KDM4B: variants seen among roughly 807,000 people sequenced by gnomAD.
KDM4B encodes the protein lysine-specific demethylase 4B.
A neutral mutation model predicts 125.2 loss-of-function variants in KDM4B; 32 were observed. That is an observed-to-expected ratio of 0.26 (90% CI 0.19 to 0.34). The LOEUF is 0.34. KDM4B is among the 10% of genes least tolerant of loss of function. The pLI, the probability that KDM4B is intolerant of heterozygous loss-of-function variation, is 1.00. For missense variants in KDM4B, 1,190 were observed against 1,577.7 expected, an observed-to-expected ratio of 0.75 and a Z score of 4.16; for synonymous variants, 721 against 677.9, an observed-to-expected ratio of 1.06 and a Z score of -0.99.
chr19:5,037,380 C>A (rs535564205), intron 3 of KDM4B, among the ~76,000 whole-genome samples: 8 of 152,308 alleles, frequency 5.3e-5, no homozygotes, highest in Middle Eastern at 6.8e-3. Flanking sequence ...TTCTGTTTCT[C>A]GCCTTTCCAC....
intron 9 of KDM4B, among the ~76,000 whole-genome samples, chr19:5,084,687 G>A (rs531324574): frequency 6.7e-6 from 1 of 149,282 alleles, no homozygotes; most frequent in African/African-American, 2.5e-5. Flanking sequence ...ATGGCTTCAC[G>A]CCTATAATCT....
intron 2 of KDM4B, among the ~76,000 whole-genome samples, chr19:5,030,204 T>A (rs114014801): frequency 0.059 from 9,013 of 152,228 alleles, 874 homozygotes; most frequent in African/African-American, 0.2. Flanking sequence ...CCTCCCAGGC[T>A]AGAGTGATCC....
chr19:5,142,754 A>G lies in KDM4B; in HGVS notation c.2551-1213A>G, dbSNP rs144976598. Among the ~76,000 whole-genome samples, 1 of 151,870 alleles carries G rather than the reference A, an allele frequency of 6.6e-6. No individual in the cohort carries two copies. The highest frequency in any genetic ancestry group is 2.4e-5 in the African/African-American group (1 of 41,408). On this transcript the variant is annotated intron_variant, in intron 18 of 22. Transcript: ENST00000159111. This position sits in a 1 kb window ranked among gnomAD's most constrained non-coding sequence, Gnocchi z 5.4. The stretch of plus-strand genomic sequence containing the variant: ...AGTGATGCCTGGCGCGTGTTGTGTG[A>G]TGGGAGAATTGGGTATTTACAGTTT...
chr19:5,063,849 C>T (rs538285953), intron 6 of KDM4B, among the ~76,000 whole-genome samples: 51 of 152,362 alleles, frequency 3.3e-4, no homozygotes, highest in African/African-American at 1.0e-3. Flanking sequence ...GTCCCTGGCC[C>T]GGTCACCATG....
intron 11 of KDM4B, among the ~76,000 whole-genome samples, chr19:5,121,129 C>T (rs1193636144): frequency 6.6e-6 from 1 of 152,228 alleles, no homozygotes; most frequent in Non-Finnish European, 1.5e-5. Flanking sequence ...TCGCAGTACT[C>T]CAGGAGGCAG....
chr19:5,007,542 C>CTTTTTT (rs10536135), intron 1 of KDM4B, among the ~76,000 whole-genome samples: 1 of 100,758 alleles, frequency 9.9e-6, no homozygotes, highest in Non-Finnish European at 1.9e-5. Context: ...TTCTCTCTCT[C>CTTTTTT]TTTTTTTTTT....
Position 5,072,337 on chromosome 19 carries a change from GGGAA to G in KDM4B, c.676+1281_676+1284del, listed in dbSNP as rs2037975444. Among the ~76,000 whole-genome samples, 5 of 152,198 alleles carry G rather than the reference GGGAA, an allele frequency of 3.3e-5. 1 individual carries two copies. The highest frequency in any genetic ancestry group is 3.3e-4 in the Admixed American group (5 of 15,280). On this transcript the variant is annotated intron_variant, in intron 7 of 22. Coordinates refer to ENST00000159111, the MANE Select transcript of KDM4B (RefSeq NM_015015.3). ...GGCAGATTCGGTGGTGGGGACGGAGGGGAAGGGAGTCCTTGGGGAGTGGGCTGGG... is the reference window on the plus strand; with the variant it reads ...GGCAGATTCGGTGGTGGGGACGGAGGGGGAGTCCTTGGGGAGTGGGCTGGG...
chr19:5,080,397 C>T (rs372773632), intron 8 of KDM4B, among the ~76,000 whole-genome samples: 5 of 152,318 alleles, frequency 3.3e-5, no homozygotes, highest in African/African-American at 1.2e-4. Flanking sequence ...AAACAAATGG[C>T]CCGATGAATT....
At chr19:5,039,168 G>T (rs59578858) in intron 3 of KDM4B, among the ~76,000 whole-genome samples, 3 of 152,230 alleles carry the variant, frequency 2.0e-5, no homozygotes, top group Admixed American at 2.0e-4. Context: ...CCTTACCAGG[G>T]CGCAGTGGCT....
intron 1 of KDM4B, among the ~76,000 whole-genome samples, chr19:5,003,623 A>G (rs1011774053): frequency 6.6e-6 from 1 of 151,938 alleles, no homozygotes; most frequent in African/African-American, 2.4e-5. Context: ...AGCCTGGCCA[A>G]TATGGTGAAA....
chr19:5,144,134 C>T lies in KDM4B; in HGVS notation c.2718C>T (p.His906=). 6.3e-7 allele frequency: 1 copy of T among 1,597,170 alleles called. No individual in the cohort carries two copies. The highest frequency in any genetic ancestry group is 8.6e-7 in the Non-Finnish European group (1 of 1,167,360). The change falls in exon 19 of 23, where the codon CAC becomes CAT. Residue 906 remains histidine, a synonymous_variant. Coordinates refer to ENST00000159111, the MANE Select transcript of KDM4B (RefSeq NM_015015.3). Reference sequence around the variant, plus strand: ...TGGTCTCCATCACCTGCCTCAAGCACAAGTCGGGGGGTCACGCTGTGAGTG... The same window carrying T: ...TGGTCTCCATCACCTGCCTCAAGCATAAGTCGGGGGGTCACGCTGTGAGTG... ...PYVVSITCLK[H]KSGGHAVQLL...
chr19:5,149,327 A>T (rs370486777), intron 21 of KDM4B, among the ~76,000 whole-genome samples: 2 of 152,268 alleles, frequency 1.3e-5, no homozygotes, highest in South Asian at 2.1e-4. Flanking sequence ...TGACAGTCTT[A>T]TGTGTGCATT....
intron 6 of KDM4B, among the ~76,000 whole-genome samples, chr19:5,061,828 TAA>T (rs71170891): frequency 7.2e-6 from 1 of 138,270 alleles, no homozygotes; most frequent in Non-Finnish European, 1.6e-5. Flanking sequence ...CCCTGTCTCT[TAA>T]AAAAAAAAAA....
intron 1 of KDM4B, among the ~76,000 whole-genome samples, chr19:4,980,325 CTG>C (rs1192498785): frequency 6.6e-6 from 1 of 151,818 alleles, no homozygotes; most frequent in Non-Finnish European, 1.5e-5. Context: ...GAGTCACACA[CTG>C]TGTGGCCTGT....
intron 2 of KDM4B, among the ~76,000 whole-genome samples, chr19:5,029,930 C>T (rs573251320): frequency 6.6e-6 from 1 of 152,204 alleles, no homozygotes; most frequent in Non-Finnish European, 1.5e-5. Flanking sequence ...GGTGTCACGG[C>T]TCCACCTTCC....
At chr19:5,019,650 G>T (rs552959404) in intron 2 of KDM4B, among the ~76,000 whole-genome samples, 1 of 148,472 alleles carries the variant, frequency 6.7e-6, no homozygotes, top group Non-Finnish European at 1.5e-5. Flanking sequence ...TTGTGTGGAC[G>T]TTGGTGTGCA....
intron 1 of KDM4B, among the ~76,000 whole-genome samples, chr19:4,987,495 G>A (rs1169387187): frequency 6.6e-6 from 1 of 152,148 alleles, no homozygotes; most frequent in African/African-American, 2.4e-5. Flanking sequence ...GGGTTATCTC[G>A]GGGCTGGCAT....
At chr19:5,036,949 CGT>C (rs2036646521) in intron 3 of KDM4B, among the ~76,000 whole-genome samples, 1 of 152,208 alleles carries the variant, frequency 6.6e-6, no homozygotes, top group Admixed American at 6.5e-5. Flanking sequence ...AGTGTGGCTC[CGT>C]GTGTGCGGCG....
Position 5,131,993 on chromosome 19 carries a change from C to T in KDM4B, c.1892C>T (p.Ala631Val). The T allele has an allele frequency of 1.2e-6, 2 of 1,608,634 alleles. No homozygotes were observed. The highest frequency in any genetic ancestry group is 1.3e-5 in the African/African-American group (1 of 74,998). The change falls in exon 13 of 23, where the codon GCC becomes GTC. Residue 631 changes from alanine (A) to valine (V), a missense_variant. Ala to Val is a moderately conservative substitution (Grantham distance 64). Around this residue, in one of 7 missense-constraint regions of KDM4B, gnomAD observed 128 missense variants for 137.8 expected, o/e 0.93. Coordinates refer to ENST00000159111, the MANE Select transcript of KDM4B (RefSeq NM_015015.3). ...RSPLSVVKQE[A>V]SSDEEASPFS... The stretch of plus-strand genomic sequence containing the variant: ...CCACTGTCGGTGGTGAAGCAGGAGG[C>T]CTCAAGTGACGAGGGTGAGTGGGGG...
Sources: gnomAD v4.1 joint callset for allele counts (sites outside exome capture counted in the v4.1 genomes callset) on GRCh38, gnomAD v4.1.1 for gene constraint, gnomAD v4.1.1 regional missense constraint, Gnocchi (gnomAD v3.1) non-coding constraint, MANE v1.5 for transcripts, NCBI Gene and HGNC (gene_info 2026-07-23, HGNC 2026-07-21) for gene names.